Variants in PVT1 observed in about 807,000 individuals in gnomAD.
PVT1 encodes the protein CXCR4/PVT1 fusion.
chr8:127,932,421 C>G, intron 3 of PVT1: 2 of 398,602 alleles, frequency 5.0e-6, no homozygotes, highest in Non-Finnish European at 8.8e-6. Context: ...GGAGGACATG[C>G]GAGAACTATT....
At chr8:128,014,316 C>T (rs1003136194) in intron 4 of PVT1, among the ~76,000 whole-genome samples, 2 of 152,228 alleles carry the variant, frequency 1.3e-5, no homozygotes, top group East Asian at 3.8e-4. Flanking sequence ...GAGGGTCTCC[C>T]TCAATGCTCA....
chr8:127,881,662 A>T (rs1815469050), intron 2 of PVT1, among the ~76,000 whole-genome samples: 1 of 151,736 alleles, frequency 6.6e-6, no homozygotes, highest in Non-Finnish European at 1.5e-5. Flanking sequence ...TCAACATGTT[A>T]GTTAGGCCGG....
At chr8:128,035,451 A>G (rs141033910) in intron 4 of PVT1, among the ~76,000 whole-genome samples, 2 of 152,252 alleles carry the variant, frequency 1.3e-5, no homozygotes, top group African/African-American at 4.8e-5. Flanking sequence ...GGGCCAAGGG[A>G]TGGAATGCTT....
At chr8:127,924,334 T>C (rs1816101682) in intron 3 of PVT1, among the ~76,000 whole-genome samples, 2 of 152,142 alleles carry the variant, frequency 1.3e-5, no homozygotes, top group Non-Finnish European at 2.9e-5. Flanking sequence ...AACACAATTT[T>C]TTTTGTTTGT....
intron 3 of PVT1, among the ~76,000 whole-genome samples, chr8:127,921,368 A>T (rs1380953481): frequency 6.6e-6 from 1 of 152,198 alleles, no homozygotes; most frequent in Non-Finnish European, 1.5e-5. Context: ...GAGGTCTTCG[A>T]AAGGTGTTTT....
rs1554593026 is a variant in PVT1 at position 127,868,787 on chromosome 8, A to ATATACACGTATATATATATG, written n.373-21798_373-21797insCACGTATATATATATGTATA. Among the ~76,000 whole-genome samples, 65 of 75,134 alleles carry ATATACACGTATATATATATG rather than the reference A, an allele frequency of 8.7e-4. 1 individual carries two copies. The highest frequency in any genetic ancestry group is 4.3e-3 in the African/African-American group (35 of 8,194). 49.3% of individuals were successfully genotyped at this position (75,134 alleles called of 152,430 possible). A position where few individuals can be genotyped will look rare whatever the true frequency, so the allele number is the denominator to read the frequency against. ...CCTTTTAACATATATATATATATAT[A>ATATACACGTATATATATATG]TATATACATATATATGTACATATAT... On this transcript the variant is annotated intron_variant and non_coding_transcript_variant, in intron 2 of 10. Transcript: ENST00000651587.
chr8:127,851,908 C>T (rs1365231591), intron 2 of PVT1: 1 of 152,368 alleles, frequency 6.6e-6, no homozygotes, highest in African/African-American at 2.4e-5. Flanking sequence ...ACGCCATGCT[C>T]ACAGTCTCTG....
chr8:128,018,497 T>C (rs989320814), intron 4 of PVT1, among the ~76,000 whole-genome samples: 1 of 152,208 alleles, frequency 6.6e-6, no homozygotes, highest in Admixed American at 6.5e-5. Flanking sequence ...TGTGTGCTTA[T>C]TGGGCTAAAC....
chr8:128,035,563 C>A (rs1160471584), intron 4 of PVT1, among the ~76,000 whole-genome samples: 1 of 152,212 alleles, frequency 6.6e-6, no homozygotes, highest in African/African-American at 2.4e-5. Flanking sequence ...CAAGTCAACA[C>A]ATGTGGTCTG....
chr8:128,041,527 TGTG>T (rs1419053369), intron 4 of PVT1, among the ~76,000 whole-genome samples: 38 of 149,296 alleles, frequency 2.5e-4, no homozygotes, highest in Non-Finnish European at 1.9e-4. Context: ...GCATGTGTGT[TGTG>T]TACGTGTGTG....
chr8:128,021,502 C>T (rs774549276), intron 4 of PVT1, among the ~76,000 whole-genome samples: 14 of 151,942 alleles, frequency 9.2e-5, no homozygotes, highest in Non-Finnish European at 1.5e-4. Flanking sequence ...ACCATGTTAG[C>T]CAGGATGGTC....
chr8:128,054,429 G>A (rs552170200), intron 4 of PVT1, among the ~76,000 whole-genome samples: 1 of 152,312 alleles, frequency 6.6e-6, no homozygotes, highest in East Asian at 1.9e-4. Context: ...CTTACATGGA[G>A]AACTGAGGCT....
intron 2 of PVT1, among the ~76,000 whole-genome samples, chr8:127,890,374 C>T (rs1815585449): frequency 6.6e-6 from 1 of 152,262 alleles, no homozygotes; most frequent in Non-Finnish European, 1.5e-5. Context: ...CTGGCAGTTC[C>T]CTGTCTGAGA....
chr8:127,848,678 C>T (rs896585103), intron 2 of PVT1, among the ~76,000 whole-genome samples: 8 of 152,044 alleles, frequency 5.3e-5, no homozygotes, highest in East Asian at 1.9e-4. Context: ...ACCGAAACTC[C>T]GTCTCAGATA....
chr8:128,019,313 G>A (rs761201090), intron 4 of PVT1, among the ~76,000 whole-genome samples: 11 of 152,112 alleles, frequency 7.2e-5, no homozygotes, highest in African/African-American at 1.4e-4. Flanking sequence ...ATATAAAGAC[G>A]GGAAAGTAAC....
At chr8:127,923,286 C>T (rs1169481669) in intron 3 of PVT1, among the ~76,000 whole-genome samples, 1 of 152,238 alleles carries the variant, frequency 6.6e-6, no homozygotes, top group African/African-American at 2.4e-5. Context: ...GCGAAGCAGA[C>T]GGGCCATTCA....
chr8:128,100,714 G>A (rs1814493105), intron 6 of PVT1, among the ~76,000 whole-genome samples: 1 of 152,146 alleles, frequency 6.6e-6, no homozygotes, highest in African/African-American at 2.4e-5. Flanking sequence ...CCTCCATCTT[G>A]CCTTTCTCTT....
intron 3 of PVT1, chr8:127,939,624 C>T (rs1186312384): frequency 1.4e-4 from 22 of 152,232 alleles, no homozygotes; most frequent in Admixed American, 1.3e-3. Flanking sequence ...CTGCTTGGCA[C>T]GTGGCTCCCT....
At chr8:127,876,849 A>G (rs897670225) in intron 2 of PVT1, among the ~76,000 whole-genome samples, 10 of 152,104 alleles carry the variant, frequency 6.6e-5, no homozygotes, top group African/African-American at 1.4e-4. Flanking sequence ...CATCCCCCCA[A>G]TTTGGACTTA....
Sources: gnomAD v4.1 joint callset for allele counts (sites outside exome capture counted in the v4.1 genomes callset) on GRCh38, gnomAD v4.1.1 for gene constraint, MANE v1.5 for transcripts, NCBI Gene and HGNC (gene_info 2026-07-23, HGNC 2026-07-21) for gene names.